The following GARS1 variants were observed in gnomAD, a reference collection of about 807,000 sequenced individuals.
The protein encoded by GARS1 is glycyl-tRNA synthetase 1.
A neutral mutation model predicts 86.4 loss-of-function variants in GARS1; 46 were observed. That is an observed-to-expected ratio of 0.53 (90% CI 0.42 to 0.68). GARS1 has a LOEUF of 0.68. GARS1 is among the 30% of genes least tolerant of loss of function. GARS1 has a pLI of 0.00. For synonymous variants in GARS1, 342 were observed against 329.8 expected, an observed-to-expected ratio of 1.04 and a Z score of -0.40; for missense variants, 797 against 915.6, an observed-to-expected ratio of 0.87 and a Z score of 1.67.
chr7:30,616,439 AAGGCCT>A (rs1222369162), intron 9 of GARS1, among the ~76,000 whole-genome samples: 12 of 152,322 alleles, frequency 7.9e-5, no homozygotes, highest in African/African-American at 2.9e-4. Flanking sequence ...GCAGTGGAAT[AAGGCCT>A]TGCATATAAG....
Position 30,594,991 on chromosome 7 carries a change from C to T in GARS1, c.70C>T (p.Leu24Phe). 6.3e-7 allele frequency: 1 copy of T among 1,593,052 alleles called. No individual in the cohort carries two copies. Among genetic ancestry groups the T allele is most frequent in the Non-Finnish European group, 8.5e-7 (1 of 1,177,224 alleles). Residue 24 changes from leucine (L) to phenylalanine (F), a missense_variant, in exon 1 of 17, where the codon CTC (leucine) becomes TTC (phenylalanine). Physicochemically the swap from Leu to Phe is conservative, Grantham distance 22. Coordinates refer to ENST00000389266, the MANE Select transcript of GARS1 (RefSeq NM_002047.4). ...AALLLLLPPRLLARPSLLLRR... is the reference protein window; with the variant it reads ...AALLLLLPPRFLARPSLLLRR... ...TCTGCTGCTGCTGCTGCCGCCCCGG[C>T]TCTTAGCCCGACCCTCGCTCCTGCT...
At chr7:30,620,258 A>C (rs1022124006) in intron 10 of GARS1, among the ~76,000 whole-genome samples, 1 of 152,214 alleles carries the variant, frequency 6.6e-6, no homozygotes, top group Non-Finnish European at 1.5e-5. Context: ...TTCTATAAGA[A>C]AGCACCACAT....
intron 12 of GARS1, among the ~76,000 whole-genome samples, chr7:30,623,211 T>C (rs1783054138): frequency 6.6e-6 from 1 of 151,116 alleles, no homozygotes; most frequent in Admixed American, 6.6e-5. Context: ...ATAAAAATTA[T>C]TATATATATG....
chr7:30,620,107 C>T (rs930383028), intron 10 of GARS1, among the ~76,000 whole-genome samples: 2 of 132,056 alleles, frequency 1.5e-5, no homozygotes, highest in African/African-American at 6.0e-5. Context: ...TTGAATTTCC[C>T]CAAACTCTTT....
chr7:30,628,315 G>A (rs1209868238), intron 13 of GARS1, among the ~76,000 whole-genome samples: 1 of 152,018 alleles, frequency 6.6e-6, no homozygotes, highest in Non-Finnish European at 1.5e-5. Context: ...CTCCGGAGTA[G>A]CTGGGATTAC....
At chr7:30,602,928 C>T in intron 4 of GARS1, 106 bp from the exon 5 acceptor site, 1 of 826,754 alleles carries the variant, frequency 1.2e-6, no homozygotes, top group Non-Finnish European at 2.1e-6. Flanking sequence ...TGGGAGCTTC[C>T]ATCTTTGAGA....
rs1064797334 is a variant in GARS1, at chr7:30,632,334, T to C, written c.1991T>C (p.Ile664Thr). The C allele has an allele frequency of 9.3e-6, 15 of 1,614,080 alleles. No homozygotes were observed. The highest frequency in any genetic ancestry group is 2.2e-5 in the East Asian group (1 of 44,890). Reference sequence around the variant, plus strand: ...AGGCGCTATGCCAGGACTGATGAGATTGGCGTGGCTTTTGGTGTCACCATT... The same window carrying C: ...AGGCGCTATGCCAGGACTGATGAGACTGGCGTGGCTTTTGGTGTCACCATT... ...IGRRYARTDE[I>T]GVAFGVTIDF... is the part of the protein sequence containing the mutation. Residue 664 changes from isoleucine to threonine, a missense_variant, in exon 16 of 17, where the codon ATT becomes ACT. By Grantham distance (89) the Ile-to-Thr change is moderately conservative. Transcript: ENST00000389266. This position sits in a 1 kb window ranked among gnomAD's most constrained non-coding sequence, Gnocchi z 4.1.
At chr7:30,603,645 G>A in intron 6 of GARS1, 73 bp downstream of exon 6, 3 of 1,068,324 alleles carry the variant, frequency 2.8e-6, no homozygotes, top group Non-Finnish European at 2.9e-6. Context: ...AATGACTGTT[G>A]CATTTCCCAT....
At chr7:30,596,186 C>T (rs1394939069) in intron 1 of GARS1, among the ~76,000 whole-genome samples, 1 of 152,164 alleles carries the variant, frequency 6.6e-6, no homozygotes, top group East Asian at 1.9e-4. Flanking sequence ...GAGGGTGGAA[C>T]CCTATCTCGG....
chr7:30,625,605 A>G (rs953724364), intron 12 of GARS1, among the ~76,000 whole-genome samples: 34 of 152,236 alleles, frequency 2.2e-4, no homozygotes, highest in Non-Finnish European at 1.2e-4. Context: ...GAAGCTCTTT[A>G]TAAAGATGAA....
At chr7:30,626,381 A>G in intron 13 of GARS1, 62 bp downstream of exon 13, 1 of 1,046,266 alleles carries the variant, frequency 9.6e-7, no homozygotes, top group Non-Finnish European at 1.5e-6. Context: ...TTGTTGTTTG[A>G]GACAGGGTCT....
chr7:30,614,066 A>G (rs1782834766), intron 8 of GARS1, among the ~76,000 whole-genome samples: 1 of 152,172 alleles, frequency 6.6e-6, no homozygotes, highest in African/African-American at 2.4e-5. Flanking sequence ...CAGAATTCTG[A>G]TGATTCCTGC....
intron 7 of GARS1, 78 bp from the exon 8 acceptor site, chr7:30,612,018 A>T: frequency 7.5e-7 from 1 of 1,329,068 alleles, no homozygotes; most frequent in South Asian, 1.2e-5. Flanking sequence ...GACTTTTAGG[A>T]TTTGTATCTA....
At chr7:30,615,498 C>T (rs1041959242) in intron 8 of GARS1, among the ~76,000 whole-genome samples, 1 of 152,146 alleles carries the variant, frequency 6.6e-6, no homozygotes, top group Non-Finnish European at 1.5e-5. Flanking sequence ...CTATATTAAT[C>T]TGCCTTTAAC....
At position 30,633,395 on chromosome 7, in the gene GARS1, T is replaced by A. The variant is rs1783276094; in HGVS notation, c.2095-340T>A. Among the ~76,000 whole-genome samples the A allele has an allele frequency of 3.9e-5, 6 of 152,346 alleles. No individual in the cohort carries two copies. The South Asian group carries it at 1.2e-3, about 32-fold the overall frequency. The stretch of plus-strand genomic sequence containing the variant: ...GTGGCAGCCAGTGTTTGGTTTTGGC[T>A]GAGGAACAGTAGCCTTGGTCAGAGC... On this transcript the variant is annotated intron_variant, in intron 16 of 16. Coordinates refer to ENST00000389266, the MANE Select transcript of GARS1 (RefSeq NM_002047.4).
intron 12 of GARS1, among the ~76,000 whole-genome samples, chr7:30,624,467 A>G (rs1352536284): frequency 2.0e-5 from 3 of 152,230 alleles, no homozygotes; most frequent in Non-Finnish European, 4.4e-5. Context: ...AATGTATGCT[A>G]TCAGTAGCAC....
chr7:30,614,871 CAA>C (rs60532382), intron 8 of GARS1, among the ~76,000 whole-genome samples: 19 of 81,524 alleles, frequency 2.3e-4, no homozygotes, highest in Non-Finnish European at 1.6e-4. Context: ...GACTCCGTCT[CAA>C]AAAAAAAAAA....
At position 30,603,494 on chromosome 7, in the gene GARS1, A is replaced by G. The variant is rs1485793142; in HGVS notation, c.659-2A>G. The G allele has an allele frequency of 6.2e-7, 1 of 1,611,668 alleles. No homozygotes were observed. On this transcript the variant is annotated splice_acceptor_variant, in intron 5 of 16. Coordinates refer to ENST00000389266, the MANE Select transcript of GARS1 (RefSeq NM_002047.4). LOFTEE classifies it high-confidence loss of function. The stretch of plus-strand genomic sequence containing the variant: ...TGATATATGTCAACACTGTTCTTAC[A>G]GCTCATTTACAGAAATTGATGTCTG...
intron 9 of GARS1, 29 bp downstream of exon 9, chr7:30,616,087 A>G (rs771000206): frequency 3.8e-5 from 61 of 1,613,472 alleles, no homozygotes; most frequent in Non-Finnish European, 4.8e-5. Context: ...CTTAACTTAG[A>G]TTGTGCCTGT....
Sources: gnomAD v4.1 joint callset for allele counts (sites outside exome capture counted in the v4.1 genomes callset) on GRCh38, gnomAD v4.1.1 for gene constraint, Gnocchi (gnomAD v3.1) non-coding constraint, MANE v1.5 for transcripts, NCBI Gene and HGNC (gene_info 2026-07-23, HGNC 2026-07-21) for gene names.